EYA1: variants seen among roughly 807,000 people sequenced by gnomAD.
EYA1 encodes the protein EYA transcriptional coactivator and phosphatase 1, also known as protein phosphatase EYA1.
EYA1 carries 16 observed loss-of-function variants against 82.0 expected under a neutral mutation model. The observed-to-expected ratio is 0.20, with a 90% CI of 0.13 to 0.30. The LOEUF is 0.30. Among genes scored for constraint, EYA1 ranks in the 10% least tolerant of loss-of-function variants. The pLI is 1.00. For synonymous variants in EYA1, 261 were observed against 264.4 expected (o/e 0.99, Z 0.12); for missense variants, 633 against 730.7 (o/e 0.87, Z 1.54).
chr8:71,485,010 C>T lies in EYA1; in HGVS notation c.33+50734G>A, dbSNP rs900528961. Among the ~76,000 whole-genome samples, 6 of 152,326 alleles carry T rather than the reference C, an allele frequency of 3.9e-5. No homozygotes were observed. In the East Asian group the frequency reaches 5.8e-4, roughly 15 times the overall value. On this transcript the variant is annotated intron_variant, in intron 2 of 18. Transcript: ENST00000643681. ...CTGCATTGCCAACCACCCTAAACAG[C>T]CTCATGGTTATTCATAAGCAGGACT...
At chr8:71,208,642 C>T (rs746711968) in intron 17 of EYA1, among the ~76,000 whole-genome samples, 11 of 152,144 alleles carry the variant, frequency 7.2e-5, no homozygotes, top group Non-Finnish European at 1.3e-4. Context: ...GATGAGTTGA[C>T]GGATGCAGCA....
chr8:71,347,575 G>A (rs1250952622), intron 3 of EYA1, among the ~76,000 whole-genome samples: 1 of 152,096 alleles, frequency 6.6e-6, no homozygotes, highest in African/African-American at 2.4e-5. Context: ...GCCCGCCTCA[G>A]CCTCCCAAAG....
chr8:71,271,645 G>T, intron 10 of EYA1, 113 bp downstream of exon 10: 1 of 1,121,290 alleles, frequency 8.9e-7, no homozygotes, highest in Non-Finnish European at 1.4e-6. Flanking sequence ...AAAGAAAGCA[G>T]TAACAAAAGC....
At chr8:71,477,937 T>G (rs1809799742) in intron 2 of EYA1, among the ~76,000 whole-genome samples, 1 of 152,156 alleles carries the variant, frequency 6.6e-6, no homozygotes, top group African/African-American at 2.4e-5. Context: ...ATAACATGGA[T>G]GAACCTTGAA....
chr8:71,427,316 C>A (rs937884317), intron 2 of EYA1, among the ~76,000 whole-genome samples: 1 of 152,132 alleles, frequency 6.6e-6, no homozygotes, highest in Non-Finnish European at 1.5e-5. Flanking sequence ...CTTATTATAT[C>A]GACTCCCCTG....
chr8:71,317,194 C>T lies in EYA1; in HGVS notation c.556+358G>A, dbSNP rs1003380536. ...AAAAGTTGGATGGTAATACCAAGTG[C>T]GTAAGTTTTTAGTACATGCCATATC... is the stretch of plus-strand genomic sequence containing the variant. On this transcript the variant is annotated intron_variant, in intron 7 of 17. Transcript: ENST00000340726. Among the ~76,000 whole-genome samples the T allele has an allele frequency of 5.3e-5, 8 of 152,108 alleles. No individual in the cohort carries two copies. In the South Asian group the frequency reaches 6.2e-4, roughly 12 times the overall value.
At chr8:71,494,022 C>CAAAAAAAAAAAAAAAAAAAAAAAAAA (rs34340467) in intron 2 of EYA1, among the ~76,000 whole-genome samples, 1 of 41,872 alleles carries the variant, frequency 2.4e-5, no homozygotes, top group Non-Finnish European at 5.1e-5. Context: ...GACTCCGTCT[C>CAAAAAAAAAAAAAAAAAAAAAAAAAA]AAAAAAAAAA....
chr8:71,242,328 T>C (rs994619688), intron 12 of EYA1, among the ~76,000 whole-genome samples: 1 of 152,216 alleles, frequency 6.6e-6, no homozygotes, highest in African/African-American at 2.4e-5. Flanking sequence ...CTTTCATTTA[T>C]ACTTTTGTTA....
At chr8:71,448,900 G>T in intron 2 of EYA1, 1 of 169,016 alleles carries the variant, frequency 5.9e-6, no homozygotes. Flanking sequence ...TGGATTCATT[G>T]CAAACTTTAT....
intron 2 of EYA1, among the ~76,000 whole-genome samples, chr8:71,389,170 GA>G (rs1179377778): frequency 1.3e-5 from 2 of 151,440 alleles, no homozygotes; most frequent in Admixed American, 6.6e-5. Flanking sequence ...TTTTAATGGG[GA>G]AAAAAAATTC....
chr8:71,503,186 C>G (rs1323144289), intron 2 of EYA1, among the ~76,000 whole-genome samples: 1 of 152,016 alleles, frequency 6.6e-6, no homozygotes, highest in Non-Finnish European at 1.5e-5. Flanking sequence ...GTTTAAATGA[C>G]AGTATAGTAT....
intron 2 of EYA1, among the ~76,000 whole-genome samples, chr8:71,391,004 C>G (rs1369775360): frequency 6.6e-6 from 1 of 151,966 alleles, no homozygotes; most frequent in South Asian, 2.1e-4. Context: ...GACAGGGTCT[C>G]GCTCTGTCAT....
intron 17 of EYA1, among the ~76,000 whole-genome samples, chr8:71,207,781 A>G (rs1186787039): frequency 6.7e-6 from 1 of 149,700 alleles, no homozygotes; most frequent in Non-Finnish European, 1.5e-5. Context: ...TTATTATCAG[A>G]GTGATCTAGG....
At chr8:71,214,842 G>A (rs1162920652) in intron 16 of EYA1, among the ~76,000 whole-genome samples, 1 of 152,022 alleles carries the variant, frequency 6.6e-6, no homozygotes, top group Non-Finnish European at 1.5e-5. Flanking sequence ...TTATTCCTAT[G>A]TTGATTCTGC....
At chr8:71,475,523 T>C (rs898172490) in intron 2 of EYA1, among the ~76,000 whole-genome samples, 7 of 152,130 alleles carry the variant, frequency 4.6e-5, no homozygotes, top group South Asian at 2.1e-4. Flanking sequence ...AATAGAAAAA[T>C]CTAGGCAGTA....
intron 2 of EYA1, among the ~76,000 whole-genome samples, chr8:71,455,896 G>A (rs1012825685): frequency 5.3e-5 from 8 of 152,152 alleles, no homozygotes; most frequent in Non-Finnish European, 1.2e-4. Context: ...AGTGTTGGAA[G>A]TTCTGCCCAG....
intron 2 of EYA1, among the ~76,000 whole-genome samples, chr8:71,427,082 T>C (rs568881643): frequency 4.5e-4 from 68 of 152,380 alleles, no homozygotes; most frequent in South Asian, 1.0e-3. Flanking sequence ...TTTGAAGCAC[T>C]GTCTTGCGGT....
At chr8:71,270,975 G>A (rs543838061) in intron 10 of EYA1, among the ~76,000 whole-genome samples, 8 of 152,048 alleles carry the variant, frequency 5.3e-5, no homozygotes, top group South Asian at 2.1e-4. Context: ...AAAATTAGCC[G>A]GGCTTGGTGC....
At chr8:71,355,159 T>C (rs567215391) in intron 2 of EYA1, among the ~76,000 whole-genome samples, 1 of 152,222 alleles carries the variant, frequency 6.6e-6, no homozygotes, top group Non-Finnish European at 1.5e-5. Flanking sequence ...ATTTTTCTCT[T>C]ACACAGTTCA....
Sources: gnomAD v4.1 joint callset for allele counts (sites outside exome capture counted in the v4.1 genomes callset) on GRCh38, gnomAD v4.1.1 for gene constraint, MANE v1.5 for transcripts, NCBI Gene and HGNC (gene_info 2026-07-23, HGNC 2026-07-21) for gene names.